The following ZCCHC14 variants were observed in gnomAD, a reference collection of about 807,000 sequenced individuals.
ZCCHC14 encodes zinc finger CCHC domain-containing protein 14.
Under a neutral mutation model 85.0 loss-of-function variants are expected in ZCCHC14, and 16 were observed. That is an observed-to-expected ratio of 0.19 (90% confidence interval 0.13 to 0.29). The LOEUF (loss-of-function observed/expected upper bound fraction) is 0.29, where lower values mean the gene tolerates loss of function less well. Among genes scored for constraint, ZCCHC14 ranks in the 10% least tolerant of loss-of-function variants. The pLI is 1.00. For synonymous variants in ZCCHC14, 775 were observed against 630.7 expected (o/e 1.23, Z -3.43); for missense variants, 1,303 against 1,443.5 (o/e 0.90, Z 1.58).
chr16:87,467,183 G>T (rs534654360), intron 1 of ZCCHC14: 2 of 1,378,762 alleles, frequency 1.5e-6, no homozygotes, highest in African/African-American at 1.4e-5. Context: ...CTCCTCTGGC[G>T]GGAGAAGACT....
At chr16:87,440,668 G>A (rs1414144873) in intron 2 of ZCCHC14, among the ~76,000 whole-genome samples, 1 of 151,744 alleles carries the variant, frequency 6.6e-6, no homozygotes, top group Non-Finnish European at 1.5e-5. Flanking sequence ...GTGCAGTGGT[G>A]TGATCTTGGC....
At chr16:87,458,889 A>G (rs1000117290) in intron 2 of ZCCHC14, among the ~76,000 whole-genome samples, 14 of 152,164 alleles carry the variant, frequency 9.2e-5, no homozygotes, top group Admixed American at 9.2e-4. Flanking sequence ...ACCCCACTGG[A>G]AAGCGCCACC....
intron 2 of ZCCHC14, 95 bp downstream of exon 2, chr16:87,459,913 G>T: frequency 6.5e-7 from 1 of 1,537,442 alleles, no homozygotes. Flanking sequence ...ATTTATGAAA[G>T]ATCTGAAAGC....
rs1221287661 is a variant in ZCCHC14, at chr16:87,420,865, G to C, written c.841-149C>G. 5.2e-6 allele frequency: 3 copies of C among 582,468 alleles called. No homozygotes were observed. Among genetic ancestry groups the C allele is most frequent in the Non-Finnish European group, 9.0e-6 (3 of 334,558 alleles). 36.1% of individuals were successfully genotyped at this position (582,468 alleles called of 1,614,324 possible). ...ACACCTCCCGTCAGAGCTATTCTGG[G>C]GCCCACATCCACTTAGGGTGTAGAA... On this transcript the variant is annotated intron_variant, in intron 4 of 12. Transcript: ENST00000671377. The surrounding 1 kb of genome is among the most constrained non-coding windows in gnomAD (Gnocchi z 5.0).
chr16:87,491,622 G>C lies in ZCCHC14; in HGVS notation c.570+47C>G, dbSNP rs1471763724. 1 of 1,359,700 alleles carries C rather than the reference G, an allele frequency of 7.4e-7. No individual in the cohort carries two copies. The highest frequency in any genetic ancestry group is 9.4e-7 in the Non-Finnish European group (1 of 1,058,996). The allele number at this position is 1,359,700 out of a possible 1,614,324, so 84.2% of individuals were successfully genotyped here. On this transcript the variant is annotated intron_variant, in intron 1 of 12. Coordinates refer to ENST00000671377, the MANE Select transcript of ZCCHC14 (RefSeq NM_015144.3). This position sits in a 1 kb window ranked among gnomAD's most constrained non-coding sequence, Gnocchi z 5.9. ...GCTGGAGGCTTGGAGTGCAGAGTTG[G>C]GGATGCAGACTTGGGGTACAGGGCA... is the stretch of plus-strand genomic sequence containing the variant.
At chr16:87,440,328 C>T (rs1312548577) in intron 2 of ZCCHC14, among the ~76,000 whole-genome samples, 1 of 152,072 alleles carries the variant, frequency 6.6e-6, no homozygotes, top group East Asian at 1.9e-4. Flanking sequence ...CCACGCCTGG[C>T]TAATTTTTGC....
At chr16:87,467,987 C>T (rs1329798245) in intron 1 of ZCCHC14, among the ~76,000 whole-genome samples, 1 of 152,058 alleles carries the variant, frequency 6.6e-6, no homozygotes, top group Non-Finnish European at 1.5e-5. Flanking sequence ...AGCCACTGCG[C>T]CTGGCTCCCA....
intron 2 of ZCCHC14, among the ~76,000 whole-genome samples, chr16:87,447,483 G>A (rs573684400): frequency 7.2e-5 from 11 of 152,200 alleles, no homozygotes; most frequent in African/African-American, 2.6e-4. Flanking sequence ...ACCATACACG[G>A]GCCCTGCTTT....
At chr16:87,477,270 G>C (rs1483221388) in intron 1 of ZCCHC14, among the ~76,000 whole-genome samples, 2 of 151,892 alleles carry the variant, frequency 1.3e-5, no homozygotes, top group East Asian at 1.9e-4. Flanking sequence ...CAAAATATCA[G>C]ACTGCGGTAC....
intron 1 of ZCCHC14, among the ~76,000 whole-genome samples, chr16:87,466,037 G>A (rs1038988924): frequency 2.6e-5 from 4 of 152,172 alleles, no homozygotes; most frequent in African/African-American, 7.2e-5. Flanking sequence ...GCCCTTCCAG[G>A]CAAGGGTGAG....
intron 2 of ZCCHC14, among the ~76,000 whole-genome samples, chr16:87,434,974 A>C (rs1445086429): frequency 2.1e-5 from 3 of 145,980 alleles, no homozygotes; most frequent in Non-Finnish European, 3.0e-5. Flanking sequence ...CTGGGCAACA[A>C]AGTGAGACTT....
At chr16:87,477,695 G>A (rs186611208) in intron 1 of ZCCHC14, among the ~76,000 whole-genome samples, 3 of 152,310 alleles carry the variant, frequency 2.0e-5, no homozygotes, top group East Asian at 3.8e-4. Flanking sequence ...GAGCTGTTAT[G>A]AGGATTAAAT....
intron 2 of ZCCHC14, among the ~76,000 whole-genome samples, chr16:87,434,380 CGCCAGGA>C (rs1909811157): frequency 6.6e-6 from 1 of 152,120 alleles, no homozygotes; most frequent in South Asian, 2.1e-4. Context: ...ACTTCCCAGG[CGCCAGGA>C]GCCCCACGCC....
At chr16:87,453,312 A>G (rs1910797266) in intron 2 of ZCCHC14, among the ~76,000 whole-genome samples, 1 of 152,244 alleles carries the variant, frequency 6.6e-6, no homozygotes, top group South Asian at 2.1e-4. Context: ...CTGGGGAAAA[A>G]AATGTATTTA....
At chr16:87,471,375 A>G (rs1309911075) in intron 1 of ZCCHC14, 1 of 152,250 alleles carries the variant, frequency 6.6e-6, no homozygotes, top group Non-Finnish European at 1.5e-5. Context: ...CCAAAAAAAC[A>G]TTTTCCATGT....
At chr16:87,414,612 C>G in intron 9 of ZCCHC14, 71 bp from the exon 10 acceptor site, 1 of 1,530,194 alleles carries the variant, frequency 6.5e-7, no homozygotes, top group African/African-American at 1.4e-5. Context: ...GGCTTCAAGA[C>G]GGGTCTACTC....
chr16:87,491,009 C>A lies in ZCCHC14; in HGVS notation c.570+660G>T, dbSNP rs555935638. 1.3e-5 allele frequency among the ~76,000 whole-genome samples: 2 copies of A among 152,372 alleles called. No individual in the cohort carries two copies. The highest frequency in any genetic ancestry group is 6.5e-5 in the Admixed American group (1 of 15,312). ...CGCCTTGCAATGTTCACCTCACCGGCGGCTTCTGGCGTGGCCACGGCTCCT... is the reference window on the plus strand; with the variant it reads ...CGCCTTGCAATGTTCACCTCACCGGAGGCTTCTGGCGTGGCCACGGCTCCT... On this transcript the variant is annotated intron_variant, in intron 1 of 12. Coordinates refer to ENST00000671377, the MANE Select transcript of ZCCHC14 (RefSeq NM_015144.3). The surrounding 1 kb of genome is among the most constrained non-coding windows in gnomAD (Gnocchi z 5.9).
chr16:87,462,027 G>A (rs2150760769), intron 1 of ZCCHC14, among the ~76,000 whole-genome samples: 1 of 152,120 alleles, frequency 6.6e-6, no homozygotes, highest in East Asian at 1.9e-4. Flanking sequence ...CAGCACTTTG[G>A]GAGGCTGAGG....
At chr16:87,484,361 C>T (rs564546504) in intron 1 of ZCCHC14, among the ~76,000 whole-genome samples, 1 of 152,314 alleles carries the variant, frequency 6.6e-6, no homozygotes, top group African/African-American at 2.4e-5. Context: ...CCTTTCTTCA[C>T]TGAAGAGATT....
Sources: allele counts gnomAD v4.1 joint callset (sites outside exome capture counted in the v4.1 genomes callset), GRCh38; gene constraint gnomAD v4.1.1; non-coding constraint Gnocchi (gnomAD v3.1); transcripts MANE v1.5; gene names NCBI Gene and HGNC (gene_info 2026-07-23, HGNC 2026-07-21).